Variants in NR3C2 observed in about 807,000 individuals in gnomAD.
The protein encoded by NR3C2 is mineralocorticoid receptor.
Under a neutral mutation model 86.4 loss-of-function variants are expected in NR3C2, and 15 were observed. The observed-to-expected ratio is 0.17, with a 90% CI of 0.12 to 0.27. The LOEUF (loss-of-function observed/expected upper bound fraction) is 0.27. Among genes scored for constraint, NR3C2 ranks in the 10% least tolerant of loss-of-function variants. NR3C2 has a pLI of 1.00. For synonymous variants in NR3C2, 458 were observed against 450.5 expected (o/e 1.02, Z -0.21); for missense variants, 960 against 1,195.6 (o/e 0.80, Z 2.91).
chr4:148,174,812 C>T (rs1173158103), intron 4 of NR3C2, among the ~76,000 whole-genome samples: 2 of 152,196 alleles, frequency 1.3e-5, no homozygotes, highest in African/African-American at 4.8e-5. Flanking sequence ...CTCTTGACTT[C>T]CCAATACCAG....
intron 2 of NR3C2, among the ~76,000 whole-genome samples, chr4:148,304,022 C>T (rs528714743): frequency 7.2e-5 from 11 of 152,256 alleles, no homozygotes; most frequent in South Asian, 6.2e-4. Flanking sequence ...TCATGTAGCC[C>T]GGGTATTCAA....
At chr4:148,178,674 GAAAGGGCAAGGGGTC>G (rs1735498097) in intron 4 of NR3C2, among the ~76,000 whole-genome samples, 1 of 151,378 alleles carries the variant, frequency 6.6e-6, no homozygotes, top group Admixed American at 6.6e-5. Flanking sequence ...CCTGGGTGAG[GAAAGGGCAAGGGGTC>G]AAAGGCAGAC....
At chr4:148,398,680 A>G (rs1747981194) in intron 2 of NR3C2, among the ~76,000 whole-genome samples, 1 of 152,218 alleles carries the variant, frequency 6.6e-6, no homozygotes, top group Admixed American at 6.5e-5. Flanking sequence ...ATTCAAAGAC[A>G]TTTACTGAAT....
At chr4:148,435,051 C>CA (rs1178254934) in intron 2 of NR3C2, 53 bp downstream of exon 2, 11 of 1,535,620 alleles carry the variant, frequency 7.2e-6, no homozygotes, top group South Asian at 1.1e-5. Context: ...TAATGCTAAC[C>CA]TTCAACATGT....
At position 148,414,721 on chromosome 4, in the gene NR3C2, G is replaced by A. The variant is rs17024704; in HGVS notation, c.1757+20383C>T. ...TGTCACTTATACTGATGTTAGACGT[G>A]AGAGCTTCTGAAAGGAAATTTATGT... On this transcript the variant is annotated intron_variant, in intron 2 of 8. Coordinates refer to ENST00000358102, the MANE Select transcript of NR3C2 (RefSeq NM_000901.5). 3.5e-3 allele frequency among the ~76,000 whole-genome samples: 539 copies of A among 152,296 alleles called. 4 individuals carry two copies. Among genetic ancestry groups the A allele is most frequent in the African/African-American group, 0.012 (487 of 41,570 alleles).
At chr4:148,369,660 T>C (rs1349671349) in intron 2 of NR3C2, among the ~76,000 whole-genome samples, 1 of 152,208 alleles carries the variant, frequency 6.6e-6, no homozygotes, top group African/African-American at 2.4e-5. Context: ...TAATCTGCCA[T>C]TTCTCTATAG....
chr4:148,167,345 T>TATGTAAAA (rs1734923848), intron 4 of NR3C2, among the ~76,000 whole-genome samples: 1 of 152,184 alleles, frequency 6.6e-6, no homozygotes, highest in Non-Finnish European at 1.5e-5. Flanking sequence ...TATGTAAAAC[T>TATGTAAAA]CTCTTTTTAA....
intron 2 of NR3C2, among the ~76,000 whole-genome samples, chr4:148,290,034 A>G (rs953456978): frequency 3.9e-5 from 6 of 152,172 alleles, no homozygotes; most frequent in Non-Finnish European, 8.8e-5. Flanking sequence ...TTGCCATAAC[A>G]AACTACCACA....
chr4:148,132,711 G>T (rs1316410097), intron 6 of NR3C2, among the ~76,000 whole-genome samples: 1 of 152,168 alleles, frequency 6.6e-6, no homozygotes, highest in African/African-American at 2.4e-5. Flanking sequence ...TTTTTGGAAA[G>T]GCAGTCAAAC....
At chr4:148,174,157 G>A (rs140200805) in intron 4 of NR3C2, among the ~76,000 whole-genome samples, 2 of 152,292 alleles carry the variant, frequency 1.3e-5, no homozygotes, top group East Asian at 3.9e-4. Flanking sequence ...GGATATGAAA[G>A]CCTGCCTGGG....
At chr4:148,134,798 G>A (rs767655516) in intron 6 of NR3C2, among the ~76,000 whole-genome samples, 3 of 151,108 alleles carry the variant, frequency 2.0e-5, no homozygotes, top group East Asian at 1.9e-4. Flanking sequence ...ACAGGTGTGC[G>A]CCACCTTGCC....
At chr4:148,144,985 C>T (rs993557477) in intron 6 of NR3C2, among the ~76,000 whole-genome samples, 3 of 152,146 alleles carry the variant, frequency 2.0e-5, no homozygotes, top group African/African-American at 7.2e-5. Context: ...AGGAGAGGTC[C>T]CTCTCACTGC....
At chr4:148,234,485 C>T (rs560261608) in intron 3 of NR3C2, among the ~76,000 whole-genome samples, 1 of 151,988 alleles carries the variant, frequency 6.6e-6, no homozygotes, top group Non-Finnish European at 1.5e-5. Context: ...TCCTGGCTAA[C>T]ACGGTGAAAC....
chr4:148,436,263 T>G lies in NR3C2; in HGVS notation c.598A>C (p.Met200Leu). 6.2e-7 allele frequency: 1 copy of G among 1,614,126 alleles called. No individual in the cohort carries two copies. The highest frequency in any genetic ancestry group is 8.5e-7 in the Non-Finnish European group (1 of 1,179,996). Residue 200 changes from methionine to leucine, a missense_variant, in exon 2 of 9, where the codon ATG (methionine) becomes CTG (leucine). This residue lies in a region of NR3C2 where 680 missense variants were observed against 719.0 expected (regional missense o/e 0.95). Transcript: ENST00000358102. ...GCAGGGCTGCAAACCGAAGATGTCA[T>G]GTTCAGAGGGCTGCAAACAGACGGG... ...KSPSVCSPLN[M>L]TSSVCSPAGI...
At chr4:148,225,439 A>C (rs2149832437) in intron 3 of NR3C2, among the ~76,000 whole-genome samples, 1 of 152,250 alleles carries the variant, frequency 6.6e-6, no homozygotes, top group East Asian at 1.9e-4. Context: ...AGACACATAT[A>C]AAAACATAAA....
intron 3 of NR3C2, among the ~76,000 whole-genome samples, chr4:148,202,658 G>T (rs1216944307): frequency 2.0e-5 from 3 of 152,172 alleles, no homozygotes; most frequent in African/African-American, 7.2e-5. Flanking sequence ...CTATTTTACA[G>T]GTCGCTTAGA....
At chr4:148,276,277 A>G (rs2149891168) in intron 2 of NR3C2, among the ~76,000 whole-genome samples, 1 of 152,256 alleles carries the variant, frequency 6.6e-6, no homozygotes, top group South Asian at 2.1e-4. Context: ...TCTGCATATA[A>G]ATTAGGAATT....
At chr4:148,247,567 A>T (rs370485603) in intron 3 of NR3C2, among the ~76,000 whole-genome samples, 3 of 151,730 alleles carry the variant, frequency 2.0e-5, no homozygotes, top group Non-Finnish European at 4.4e-5. Context: ...GACACAGTAG[A>T]TGATTTAAAA....
chr4:148,181,696 C>T (rs1473175601), intron 4 of NR3C2, among the ~76,000 whole-genome samples: 1 of 152,206 alleles, frequency 6.6e-6, no homozygotes, highest in Non-Finnish European at 1.5e-5. Context: ...TGGGCTATAG[C>T]AAGAGTGGCA....
Sources: allele counts gnomAD v4.1 joint callset (sites outside exome capture counted in the v4.1 genomes callset), GRCh38; gene constraint gnomAD v4.1.1; regional missense constraint gnomAD v4.1.1; transcripts MANE v1.5; gene names NCBI Gene and HGNC (gene_info 2026-07-23, HGNC 2026-07-21).